LIMCH1: variants seen among roughly 807,000 people sequenced by gnomAD.
LIMCH1 encodes LIM and calponin homology domains 1.
LIMCH1 carries 113 observed loss-of-function variants against 176.5 expected under a neutral mutation model. That is an observed-to-expected ratio of 0.64 (90% CI 0.55 to 0.75). The LOEUF (loss-of-function observed/expected upper bound fraction) is 0.75. LIMCH1 is among the 30% of genes least tolerant of loss of function. The pLI is 0.00. For synonymous variants in LIMCH1, 619 were observed against 645.9 expected (o/e 0.96, Z 0.63); for missense variants, 1,674 against 1,814.9 (o/e 0.92, Z 1.41).
In LIMCH1 at chr4:41,596,766, A is replaced by C. The variant is rs573771881; in HGVS notation, c.-240-2154A>C. ...TTGATAATTTAAAAATGTGGAAAGT[A>C]ACCGAAGGAGAAACTGGTGAGGGTG... On this transcript the variant is annotated intron_variant, in intron 1 of 31. Coordinates refer to ENST00000503057, the MANE Select transcript of LIMCH1 (RefSeq NM_001330672.2). Among the ~76,000 whole-genome samples the C allele has an allele frequency of 9.2e-5, 14 of 152,320 alleles. 1 individual carries two copies. The East Asian group carries it at 2.7e-3, about 29-fold the overall frequency.
intron 30 of LIMCH1, 36 bp downstream of exon 30, chr4:41,689,671 T>G: frequency 7.9e-7 from 1 of 1,270,402 alleles, no homozygotes; most frequent in Non-Finnish European, 1.2e-6. Flanking sequence ...AGACACAACT[T>G]CATGATGTCT....
Position 41,391,290 on chromosome 4 carries a change from AT to A in LIMCH1, c.96+30355del, listed in dbSNP as rs1342104824. ...GGGGTCACAGACATAATTACATCATATAGCTGGTTGCTGATCCAATTGTTGG... is the reference window on the plus strand; with the variant it reads ...GGGGTCACAGACATAATTACATCATAAGCTGGTTGCTGATCCAATTGTTGG... On this transcript the variant is annotated intron_variant, in intron 1 of 26. Coordinates refer to the LIMCH1 transcript ENST00000313860. 5.9e-5 allele frequency among the ~76,000 whole-genome samples: 9 copies of A among 152,326 alleles called. No homozygotes were observed. The South Asian group carries it at 1.2e-3, about 21-fold the overall frequency.
intron 1 of LIMCH1, among the ~76,000 whole-genome samples, chr4:41,540,282 A>C (rs763955799): frequency 2.0e-5 from 3 of 152,168 alleles, no homozygotes; most frequent in Non-Finnish European, 4.4e-5. Context: ...CAGGAGTAGG[A>C]AAAGAAGGAG....
At chr4:41,429,006 C>A (rs1321850829) in intron 1 of LIMCH1, among the ~76,000 whole-genome samples, 10 of 152,138 alleles carry the variant, frequency 6.6e-5, no homozygotes, top group African/African-American at 1.9e-4. Context: ...TGTGAAAGGG[C>A]CTCCTTGTTT....
chr4:41,635,137 A>T (rs2093515129), intron 13 of LIMCH1, among the ~76,000 whole-genome samples: 1 of 152,062 alleles, frequency 6.6e-6, no homozygotes, highest in African/African-American at 2.4e-5. Context: ...CAAGATCCAA[A>T]CTCAGCTCTG....
intron 1 of LIMCH1, among the ~76,000 whole-genome samples, chr4:41,396,491 T>C (rs539413690): frequency 2.0e-5 from 3 of 152,258 alleles, no homozygotes; most frequent in African/African-American, 7.2e-5. Flanking sequence ...AGAAAGTTGA[T>C]AGATTGTTTC....
chr4:41,585,387 T>A (rs945401050), intron 1 of LIMCH1, among the ~76,000 whole-genome samples: 3 of 152,212 alleles, frequency 2.0e-5, no homozygotes, highest in Non-Finnish European at 2.9e-5. Context: ...GAAAGTCATC[T>A]CTTTATAACG....
intron 1 of LIMCH1, among the ~76,000 whole-genome samples, chr4:41,481,583 C>G (rs1329967423): frequency 6.6e-6 from 1 of 152,102 alleles, no homozygotes; most frequent in East Asian, 1.9e-4. Context: ...CAGAGAGATC[C>G]CTCAGGTGGC....
At chr4:41,646,316 A>G (rs770816213) in intron 16 of LIMCH1, 36 bp downstream of exon 16, 8 of 1,565,056 alleles carry the variant, frequency 5.1e-6, no homozygotes, top group Non-Finnish European at 6.9e-6. Context: ...AATGTACAAT[A>G]TTATCTAGGT....
Position 41,678,767 on chromosome 4 carries a change from AC to A in LIMCH1, c.3520-1238del, listed in dbSNP as rs1713215805. On this transcript the variant is annotated intron_variant, in intron 23 of 31. Transcript: ENST00000503057. ...GTGTGAGTGAAATACTGCATCTTTC[AC>A]TCTCTGCATCTCTGCATCATCAGTT... Among the ~76,000 whole-genome samples the A allele has an allele frequency of 3.3e-5, 5 of 149,328 alleles. No homozygotes were observed. In the South Asian group the frequency reaches 1.1e-3, roughly 33 times the overall value.
At chr4:41,524,306 T>G in intron 2 of LIMCH1, 1 of 869,332 alleles carries the variant, frequency 1.2e-6, no homozygotes, top group South Asian at 1.3e-5. Flanking sequence ...TTAAATTCAC[T>G]GCTTTTCCTA....
chr4:41,414,829 G>T (rs1026949004), intron 1 of LIMCH1, among the ~76,000 whole-genome samples: 29 of 152,116 alleles, frequency 1.9e-4, no homozygotes, highest in African/African-American at 7.0e-4. Flanking sequence ...AAGGAATGTT[G>T]TACACGTATT....
At chr4:41,468,523 T>G (rs2066493394) in intron 1 of LIMCH1, among the ~76,000 whole-genome samples, 2 of 151,624 alleles carry the variant, frequency 1.3e-5, no homozygotes, top group African/African-American at 4.8e-5. Flanking sequence ...TGTATTAAAC[T>G]TAATGTGAAC....
chr4:41,686,419 A>G (rs761264418), intron 28 of LIMCH1, among the ~76,000 whole-genome samples: 17 of 152,208 alleles, frequency 1.1e-4, no homozygotes, highest in Non-Finnish European at 1.9e-4. Flanking sequence ...AGGCTCAGGG[A>G]AGTTAAATAA....
intron 5 of LIMCH1, among the ~76,000 whole-genome samples, chr4:41,615,035 G>A (rs2091910835): frequency 6.6e-6 from 1 of 152,030 alleles, no homozygotes; most frequent in African/African-American, 2.4e-5. Flanking sequence ...AGAATTCCAG[G>A]GTGCATTGTG....
At chr4:41,529,619 G>A (rs192647598) in intron 3 of LIMCH1, among the ~76,000 whole-genome samples, 1 of 152,124 alleles carries the variant, frequency 6.6e-6, no homozygotes, top group African/African-American at 2.4e-5. Context: ...GATGGATCCC[G>A]AGCCCTGGCC....
At chr4:41,688,983 G>A (rs1323498914) in intron 29 of LIMCH1, 2 of 152,504 alleles carry the variant, frequency 1.3e-5, no homozygotes, top group East Asian at 3.8e-4. Flanking sequence ...CACCAGATCA[G>A]AGAACTTGGC....
At chr4:41,461,137 A>C (rs1019264541) in intron 1 of LIMCH1, among the ~76,000 whole-genome samples, 3 of 152,186 alleles carry the variant, frequency 2.0e-5, no homozygotes, top group Non-Finnish European at 4.4e-5. Context: ...AATTTGTTGA[A>C]TCTTCAGAGA....
At chr4:41,572,108 G>A (rs935716743) in intron 1 of LIMCH1, among the ~76,000 whole-genome samples, 9 of 152,194 alleles carry the variant, frequency 5.9e-5, no homozygotes, top group African/African-American at 1.9e-4. Flanking sequence ...TGGGCACTGA[G>A]TATGAGAAAA....
Sources: gnomAD v4.1 joint callset for allele counts (sites outside exome capture counted in the v4.1 genomes callset) on GRCh38, gnomAD v4.1.1 for gene constraint, MANE v1.5 for transcripts, NCBI Gene and HGNC (gene_info 2026-07-23, HGNC 2026-07-21) for gene names.